CDKAL1: variants seen among roughly 807,000 people sequenced by gnomAD.
CDKAL1 encodes the protein threonylcarbamoyladenosine tRNA methylthiotransferase.
In CDKAL1, 32 loss-of-function variants were observed where a neutral mutation model predicts 68.2. The ratio of observed to expected loss-of-function variants is 0.47; its 90% CI spans 0.35 to 0.63. The LOEUF is 0.63. Ranked by LOEUF, CDKAL1 falls within the 30% of genes least tolerant of loss-of-function variation. The pLI, the probability that CDKAL1 is intolerant of heterozygous loss-of-function variation, is 0.00. For missense variants in CDKAL1, 606 were observed against 696.7 expected (o/e 0.87, Z 1.47); for synonymous variants, 234 against 244.3 (o/e 0.96, Z 0.39).
chr6:20,874,538 T>C (rs573340696), intron 9 of CDKAL1, among the ~76,000 whole-genome samples: 1 of 152,166 alleles, frequency 6.6e-6, no homozygotes, highest in Admixed American at 6.5e-5. Context: ...TTTTTTGAGA[T>C]GGAGTCTCAC....
chr6:20,651,756 T>C (rs1249883781), intron 5 of CDKAL1, among the ~76,000 whole-genome samples: 2 of 152,232 alleles, frequency 1.3e-5, no homozygotes, highest in Non-Finnish European at 2.9e-5. Flanking sequence ...TGAGAGTTTT[T>C]AACATGAAGG....
intron 9 of CDKAL1, among the ~76,000 whole-genome samples, chr6:20,857,118 C>T (rs1275129839): frequency 6.6e-6 from 1 of 152,106 alleles, no homozygotes; most frequent in Non-Finnish European, 1.5e-5. Flanking sequence ...TTCTGTATTT[C>T]TTTTTATTTG....
intron 12 of CDKAL1, among the ~76,000 whole-genome samples, chr6:21,085,879 G>T (rs1772666115): frequency 6.6e-6 from 1 of 152,200 alleles, no homozygotes; most frequent in South Asian, 2.1e-4. Context: ...TTGCATCAGA[G>T]TGGAGAAAGG....
chr6:20,888,178 A>G (rs1761186685), intron 9 of CDKAL1, among the ~76,000 whole-genome samples: 1 of 151,758 alleles, frequency 6.6e-6, no homozygotes, highest in Non-Finnish European at 1.5e-5. Flanking sequence ...CCCTGTGTCC[A>G]GGTGTTCTCA....
At chr6:20,777,128 C>A (rs1775205319) in intron 7 of CDKAL1, among the ~76,000 whole-genome samples, 1 of 152,194 alleles carries the variant, frequency 6.6e-6, no homozygotes, top group Admixed American at 6.5e-5. Flanking sequence ...TCTCCACATA[C>A]CTTCAGTTAA....
intron 4 of CDKAL1, among the ~76,000 whole-genome samples, chr6:20,604,228 T>C (rs1766234983): frequency 6.6e-6 from 1 of 152,156 alleles, no homozygotes; most frequent in Non-Finnish European, 1.5e-5. Flanking sequence ...AAGGTGGCTA[T>C]ATTGGCAGGG....
intron 11 of CDKAL1, among the ~76,000 whole-genome samples, chr6:21,061,994 T>A (rs986546054): frequency 1.3e-5 from 2 of 152,194 alleles, no homozygotes; most frequent in Admixed American, 6.5e-5. Context: ...TATCCATGCA[T>A]TGAAAATCCC....
intron 9 of CDKAL1, among the ~76,000 whole-genome samples, chr6:20,951,998 G>A (rs1216352908): frequency 4.0e-4 from 49 of 123,116 alleles, no homozygotes; most frequent in Admixed American, 8.7e-4. Context: ...TTGCTCTGTC[G>A]CCCAGGCTGG....
chr6:20,754,178 C>T lies in CDKAL1; in HGVS notation c.469-4417C>T, dbSNP rs1201516566. 7.9e-5 allele frequency among the ~76,000 whole-genome samples: 12 copies of T among 152,238 alleles called. 1 individual carries two copies. The East Asian group carries it at 1.2e-3, about 15-fold the overall frequency. ...AAAATTTTTTGTAGAGACAGGATCT[C>T]GCTGTGTTGCCCAAGCTGGGCTCAA... is the stretch of plus-strand genomic sequence containing the variant. On this transcript the variant is annotated intron_variant, in intron 6 of 15. Coordinates refer to ENST00000274695, the MANE Select transcript of CDKAL1 (RefSeq NM_017774.3).
intron 13 of CDKAL1, among the ~76,000 whole-genome samples, chr6:21,176,611 G>A (rs1777581102): frequency 6.6e-6 from 1 of 151,306 alleles, no homozygotes; most frequent in South Asian, 2.1e-4. Context: ...ATCTTATAAA[G>A]CACAAGGCAG....
chr6:20,550,773 T>TG (rs905410822), intron 4 of CDKAL1, among the ~76,000 whole-genome samples: 7 of 151,938 alleles, frequency 4.6e-5, no homozygotes, highest in African/African-American at 1.7e-4. Context: ...ACTGACCCGG[T>TG]GCTTTATGTA....
intron 13 of CDKAL1, among the ~76,000 whole-genome samples, chr6:21,112,978 C>G (rs1181904267): frequency 6.6e-6 from 1 of 152,088 alleles, no homozygotes; most frequent in Non-Finnish European, 1.5e-5. Context: ...ACAGTCAACA[C>G]TAATAGCAGG....
chr6:20,557,127 T>G (rs956827280), intron 4 of CDKAL1, among the ~76,000 whole-genome samples: 1 of 151,556 alleles, frequency 6.6e-6, no homozygotes, highest in Non-Finnish European at 1.5e-5. Context: ...AATCCTGACA[T>G]TAAGGTTTCT....
At chr6:20,986,316 T>G (rs1766449097) in intron 10 of CDKAL1, among the ~76,000 whole-genome samples, 1 of 152,206 alleles carries the variant, frequency 6.6e-6, no homozygotes, top group African/African-American at 2.4e-5. Flanking sequence ...CATATAATTT[T>G]ATAATTTAGT....
chr6:21,171,853 C>A (rs1192379853), intron 13 of CDKAL1, among the ~76,000 whole-genome samples: 1 of 152,074 alleles, frequency 6.6e-6, no homozygotes, highest in Non-Finnish European at 1.5e-5. Flanking sequence ...ATGATTAACC[C>A]TTTTTTGTTA....
At chr6:20,995,611 A>C (rs1417185721) in intron 10 of CDKAL1, among the ~76,000 whole-genome samples, 1 of 152,164 alleles carries the variant, frequency 6.6e-6, no homozygotes, top group Non-Finnish European at 1.5e-5. Flanking sequence ...GTGGGTTTAA[A>C]ATATCCAGTA....
chr6:20,683,059 C>T (rs148185525), intron 5 of CDKAL1, among the ~76,000 whole-genome samples: 59 of 151,246 alleles, frequency 3.9e-4, no homozygotes, highest in African/African-American at 1.4e-3. Flanking sequence ...AACTCCTGGG[C>T]TCAAGAAGTC....
intron 9 of CDKAL1, among the ~76,000 whole-genome samples, chr6:20,950,969 G>GAAAAAA (rs5874796): frequency 7.2e-6 from 1 of 139,528 alleles, no homozygotes; most frequent in Non-Finnish European, 1.5e-5. Context: ...AACAGTCTCA[G>GAAAAAA]AAAAAAAAAA....
intron 13 of CDKAL1, among the ~76,000 whole-genome samples, chr6:21,120,276 T>G (rs1774640856): frequency 6.6e-6 from 1 of 152,228 alleles, no homozygotes; most frequent in Admixed American, 6.5e-5. Flanking sequence ...AAGTGTATTT[T>G]ACCATTCTTT....
Sources: allele counts gnomAD v4.1 joint callset (sites outside exome capture counted in the v4.1 genomes callset), GRCh38; gene constraint gnomAD v4.1.1; transcripts MANE v1.5; gene names NCBI Gene and HGNC (gene_info 2026-07-23, HGNC 2026-07-21).